GLT8D1: variants seen among roughly 807,000 people sequenced by gnomAD.
The protein encoded by GLT8D1 is glycosyltransferase 8 domain-containing protein 1.
GLT8D1 carries 41 observed loss-of-function variants against 46.2 expected under a neutral mutation model. The observed-to-expected ratio is 0.89, with a 90% CI of 0.69 to 1.15. The LOEUF is 1.15. GLT8D1 is among the 50% of genes most tolerant of loss of function. The pLI is 0.00. For synonymous variants in GLT8D1, 150 were observed against 154.2 expected (o/e 0.97, Z 0.20); for missense variants, 408 against 449.3 (o/e 0.91, Z 0.83).
rs1383834384 is a variant in GLT8D1, at chr3:52,697,790, A to T, written c.260T>A (p.Ile87Asn). The change falls in exon 4 of 10, where the codon ATT (isoleucine) becomes AAT (asparagine). Residue 87 changes from isoleucine (I) to asparagine (N), a missense_variant. Transcript: ENST00000266014. ...CACATTGGAGCGAGTGTTGTGCTGAATGCTGTTTATAGCTGCAATGGCCCC... is the reference window on the plus strand; with the variant it reads ...CACATTGGAGCGAGTGTTGTGCTGATTGCTGTTTATAGCTGCAATGGCCCC... ...LGGAIAAINS[I>N]QHNTRSNVIF... The T allele has an allele frequency of 3.1e-5, 50 of 1,614,054 alleles. No individual in the cohort carries two copies. The highest frequency in any genetic ancestry group is 4.2e-5 in the Non-Finnish European group (49 of 1,179,882).
At chr3:52,695,850 C>A in intron 7 of GLT8D1, 78 bp downstream of exon 7, 1 of 845,130 alleles carries the variant, frequency 1.2e-6, no homozygotes, top group Non-Finnish European at 2.0e-6. Flanking sequence ...TAAATTGCAG[C>A]AAAAGAGTTC....
In GLT8D1 at chr3:52,696,322, GA is replaced by G; in HGVS notation, c.448-5del. The G allele has an allele frequency of 6.3e-7, 1 of 1,592,568 alleles. No homozygotes were observed. Among genetic ancestry groups the G allele is most frequent in the Non-Finnish European group, 8.6e-7 (1 of 1,160,348 alleles). ...AGTAGAACCTTGCAAAGGTTAACTG[GA>G]AAAGGAAAGAATAATTGGCATAGGA... is the stretch of plus-strand genomic sequence containing the variant. On this transcript the variant is annotated splice_polypyrimidine_tract_variant and splice_region_variant and intron_variant, in intron 5 of 9. Coordinates refer to ENST00000266014, the MANE Select transcript of GLT8D1 (RefSeq NM_018446.4).
rs1307966944 is a variant in GLT8D1, at chr3:52,697,725, G to A, written c.325C>T (p.Leu109Phe). 1.3e-6 allele frequency: 2 copies of A among 1,598,248 alleles called. No individual in the cohort carries two copies. Among genetic ancestry groups the A allele is most frequent in the South Asian group, 2.2e-5 (2 of 90,776 alleles). The stretch of plus-strand genomic sequence containing the variant: ...AATCACATAAGCAGAGCTCACCGGA[G>A]ATGGTCTGCTGTATTGTTGAGAGTA... ...IVTLNNTADH[L>F]RSWLNSDSLK... The change falls in exon 4 of 10, where the codon CTC becomes TTC. Residue 109 changes from leucine (L) to phenylalanine (F), a missense_variant. Physicochemically the swap from Leu to Phe is conservative, Grantham distance 22 (BLOSUM62 0). Coordinates refer to ENST00000266014, the MANE Select transcript of GLT8D1 (RefSeq NM_018446.4).
At chr3:52,695,772 C>T in intron 7 of GLT8D1, 156 bp downstream of exon 7, 1 of 637,716 alleles carries the variant, frequency 1.6e-6, no homozygotes, top group Non-Finnish European at 2.8e-6. Flanking sequence ...AACAATTAGG[C>T]TGTCAAGTCC....
Position 52,705,704 on chromosome 3 carries a change from C to T in GLT8D1, c.-294G>A. On this transcript the variant is annotated 5_prime_UTR_variant, in exon 1 of 10. Coordinates refer to ENST00000266014, the MANE Select transcript of GLT8D1 (RefSeq NM_018446.4). Reference sequence around the variant, plus strand: ...GCACGCTGGGCCGAGCACACTTGCCCTCTAGCTCCGTGGCAGCCGCGCAGC... The same window carrying T: ...GCACGCTGGGCCGAGCACACTTGCCTTCTAGCTCCGTGGCAGCCGCGCAGC... The T allele has an allele frequency of 7.9e-6, 4 of 505,226 alleles. No individual in the cohort carries two copies. The South Asian group carries it at 1.6e-4, about 20-fold the overall frequency. The allele number at this position is 505,226 out of a possible 1,614,324, so 31.3% of individuals were successfully genotyped here. A position where few individuals can be genotyped will look rare whatever the true frequency, so the allele number is the denominator to read the frequency against.
chr3:52,694,712 T>C lies in GLT8D1; in HGVS notation c.*133A>G, dbSNP rs2097331026. 2 of 714,420 alleles carry C rather than the reference T, an allele frequency of 2.8e-6. No individual in the cohort carries two copies. Among genetic ancestry groups the C allele is most frequent in the South Asian group, 3.0e-5 (2 of 66,154 alleles). The allele number at this position is 714,420 out of a possible 1,614,324, so 44.3% of individuals were successfully genotyped here. On this transcript the variant is annotated 3_prime_UTR_variant, in exon 10 of 10. Transcript: ENST00000266014. ...GACTGCCAGACAGGGCAGTTTGTCA[T>C]CTTTACCTAGCTGACACATCTTTTT...
At chr3:52,696,104 C>G (rs2097333159) in intron 6 of GLT8D1, 64 bp from the exon 7 acceptor site, 1 of 1,193,110 alleles carries the variant, frequency 8.4e-7, no homozygotes, top group African/African-American at 1.5e-5. Context: ...GTTACTCCCA[C>G]TTCTCCCTAT....
intron 1 of GLT8D1, chr3:52,703,876 C>A (rs531651647): frequency 6.6e-6 from 1 of 152,306 alleles, no homozygotes; most frequent in South Asian, 2.1e-4. Context: ...AGAGAGCTTT[C>A]CTGATCTGGT....
In GLT8D1 at chr3:52,700,495, C is replaced by A; in HGVS notation, c.-35G>T. ...CTGTCATATAAATATTAGTTTTTAA[C>A]CCTACAAAACAAAAACAAGCCCCCA... On this transcript the variant is annotated splice_region_variant and 5_prime_UTR_variant, in exon 2 of 10. Coordinates refer to ENST00000266014, the MANE Select transcript of GLT8D1 (RefSeq NM_018446.4). The A allele has an allele frequency of 1.3e-6, 2 of 1,499,884 alleles. No individual in the cohort carries two copies. Among genetic ancestry groups the A allele is most frequent in the South Asian group, 1.2e-5 (1 of 86,564 alleles). The allele number at this position is 1,499,884 out of a possible 1,614,324, so 92.9% of individuals were successfully genotyped here. A position where few individuals can be genotyped will look rare whatever the true frequency, so the allele number is the denominator to read the frequency against.
intron 3 of GLT8D1, among the ~76,000 whole-genome samples, chr3:52,698,723 C>A (rs2097336565): frequency 6.7e-6 from 1 of 150,110 alleles, no homozygotes. Context: ...CCAAAGAAAA[C>A]ATAGTGTATC....
chr3:52,700,177 GA>G, intron 3 of GLT8D1, 84 bp downstream of exon 3: 1 of 823,838 alleles, frequency 1.2e-6, no homozygotes, highest in Non-Finnish European at 2.0e-6. Context: ...AGTACTACCG[GA>G]AGAAGAACAA....
At chr3:52,696,794 C>T (rs756731022) in intron 4 of GLT8D1, 135 bp from the exon 5 acceptor site, 110 of 615,442 alleles carry the variant, frequency 1.8e-4, no homozygotes, top group Non-Finnish European at 2.9e-4. Flanking sequence ...GTTTCCTCGT[C>T]TGAAGTGAGG....
chr3:52,704,157 C>CA lies in GLT8D1; in HGVS notation c.-37+1289dup, dbSNP rs1233709749. Among the ~76,000 whole-genome samples, 240 of 145,226 alleles carry CA rather than the reference C, an allele frequency of 1.7e-3. 1 individual carries two copies. The highest frequency in any genetic ancestry group is 4.0e-3 in the African/African-American group (157 of 39,676). ...ATCCAAGGATACAAAACTGTGGATACAAAAAAAAAAGACCGCACTGGCCGG... is the reference window on the plus strand; with the variant it reads ...ATCCAAGGATACAAAACTGTGGATACAAAAAAAAAAAGACCGCACTGGCCGG... On this transcript the variant is annotated intron_variant, in intron 1 of 9. Transcript: ENST00000266014.
intron 3 of GLT8D1, among the ~76,000 whole-genome samples, chr3:52,698,874 T>TA (rs1435259875): frequency 6.6e-6 from 1 of 151,980 alleles, no homozygotes; most frequent in African/African-American, 2.4e-5. Context: ...AAAACATCCC[T>TA]AACTTTCTGA....
At chr3:52,695,784 TGAA>T in intron 7 of GLT8D1, 141 bp downstream of exon 7, 1 of 646,016 alleles carries the variant, frequency 1.5e-6, no homozygotes, top group African/African-American at 1.8e-5. Context: ...GTCAAGTCCA[TGAA>T]GAAGTCTACA....
At chr3:52,695,867 T>G (rs1311879847) in intron 7 of GLT8D1, 61 bp downstream of exon 7, 1 of 997,068 alleles carries the variant, frequency 1.0e-6, no homozygotes, top group Non-Finnish European at 1.6e-6. Context: ...GTTCCCTGAA[T>G]TTGCAACCTC....
In GLT8D1 at chr3:52,705,484, G is replaced by GA. The variant is rs2097343327; in HGVS notation, c.-75dup. 1.3e-5 allele frequency: 2 copies of GA among 152,856 alleles called. No homozygotes were observed. The highest frequency in any genetic ancestry group is 2.9e-5 in the Non-Finnish European group (2 of 68,502). 9.5% of individuals were successfully genotyped at this position (152,856 alleles called of 1,614,324 possible). ...TCGGAAAGTGATGTGACGCTCCGGG[G>GA]ATCCCACCAGGCTCAGAGATACCCC... On this transcript the variant is annotated 5_prime_UTR_variant, in exon 1 of 10. Coordinates refer to ENST00000266014, the MANE Select transcript of GLT8D1 (RefSeq NM_018446.4).
In GLT8D1 at chr3:52,694,996, T is replaced by G. The variant is rs771418210; in HGVS notation, c.965A>C (p.Lys322Thr). ...AGKRYSPQFV[K>T]AAKLLHWNGH... The stretch of plus-strand genomic sequence containing the variant: ...ATTCCAATGGAGTAACTTGGCAGCC[T>G]TTACAAACTGAGGTGAATATCGTTT... The change falls in exon 10 of 10, where the codon AAG (lysine) becomes ACG (threonine). Residue 322 changes from lysine to threonine, a missense_variant. Transcript: ENST00000266014. The G allele has an allele frequency of 5.1e-5, 83 of 1,612,764 alleles. 2 individuals are homozygous for G. In the South Asian group the frequency reaches 7.6e-4, roughly 15 times the overall value.
intron 1 of GLT8D1, among the ~76,000 whole-genome samples, chr3:52,701,523 C>G (rs947147667): frequency 6.6e-6 from 1 of 152,154 alleles, no homozygotes; most frequent in Non-Finnish European, 1.5e-5. Context: ...TGTGCGCCAC[C>G]ACGCCCAGCT....
Sources: gnomAD v4.1 joint callset for allele counts (sites outside exome capture counted in the v4.1 genomes callset) on GRCh38, gnomAD v4.1.1 for gene constraint, MANE v1.5 for transcripts, NCBI Gene and HGNC (gene_info 2026-07-23, HGNC 2026-07-21) for gene names.